CTNNA3: variants seen among roughly 807,000 people sequenced by gnomAD.
CTNNA3 encodes the protein catenin alpha-3.
In CTNNA3, 76 loss-of-function variants were observed where a neutral mutation model predicts 95.7. The ratio of observed to expected loss-of-function variants is 0.79; its 90% CI spans 0.66 to 0.96. The LOEUF is 0.96. Among genes scored for constraint, CTNNA3 ranks in the 40% least tolerant of loss-of-function variants. The probability of loss-of-function intolerance (pLI) is 0.00; values close to 1 mark genes in which losing one functional copy is unlikely to be tolerated. For missense variants in CTNNA3, 1,191 were observed against 1,089.8 expected, an observed-to-expected ratio of 1.09 and a Z score of -1.31; for synonymous variants, 431 against 374.4, an observed-to-expected ratio of 1.15 and a Z score of -1.74.
At chr10:67,734,300 A>T (rs1841291166) in intron 1 of CTNNA3, among the ~76,000 whole-genome samples, 1 of 152,174 alleles carries the variant, frequency 6.6e-6, no homozygotes, top group South Asian at 2.1e-4. Context: ...AGACTAAAAA[A>T]TCAACAATTA....
chr10:67,613,014 G>A (rs960140994), intron 2 of CTNNA3, among the ~76,000 whole-genome samples: 46 of 152,320 alleles, frequency 3.0e-4, no homozygotes, highest in African/African-American at 1.1e-3. Flanking sequence ...CTACCTGTAG[G>A]CTACCTGCTG....
intron 7 of CTNNA3, among the ~76,000 whole-genome samples, chr10:67,107,939 G>GT (rs1183005154): frequency 1.3e-5 from 2 of 152,118 alleles, no homozygotes; most frequent in Non-Finnish European, 2.9e-5. Flanking sequence ...GAGAGTCCCT[G>GT]TTTCCCCCTT....
rs544654092 is a variant in CTNNA3 at position 66,369,672 on chromosome 10, G to A, written c.1732+9480C>T. The stretch of plus-strand genomic sequence containing the variant: ...TAAAATATTCACATCTATTAATAAA[G>A]CTTGTAGATAACATTGTCATTTGCA... On this transcript the variant is annotated intron_variant, in intron 12 of 17. Transcript: ENST00000433211. Among the ~76,000 whole-genome samples the A allele has an allele frequency of 2.0e-5, 3 of 152,154 alleles. No homozygotes were observed. In the South Asian group the frequency reaches 6.2e-4, roughly 32 times the overall value.
At chr10:66,016,533 A>G (rs1031409194) in intron 15 of CTNNA3, among the ~76,000 whole-genome samples, 16 of 152,154 alleles carry the variant, frequency 1.1e-4, no homozygotes, top group African/African-American at 3.6e-4. Context: ...TTTTACAGTA[A>G]TTTTGAATTG....
At chr10:66,797,002 A>T (rs928846294) in intron 7 of CTNNA3, among the ~76,000 whole-genome samples, 2 of 151,936 alleles carry the variant, frequency 1.3e-5, no homozygotes, top group African/African-American at 2.4e-5. Flanking sequence ...CTTGAAACAC[A>T]TAAGTTATTC....
At chr10:66,339,141 G>C (rs1233262867) in intron 12 of CTNNA3, among the ~76,000 whole-genome samples, 1 of 151,826 alleles carries the variant, frequency 6.6e-6, no homozygotes, top group Non-Finnish European at 1.5e-5. Flanking sequence ...TAACACATAT[G>C]AAACATGTGC....
At chr10:67,597,561 C>T (rs1476861452) in intron 3 of CTNNA3, among the ~76,000 whole-genome samples, 1 of 152,178 alleles carries the variant, frequency 6.6e-6, no homozygotes, top group Non-Finnish European at 1.5e-5. Flanking sequence ...GTGCTGCATG[C>T]TCTAACCCTG....
intron 10 of CTNNA3, among the ~76,000 whole-genome samples, chr10:66,570,918 G>T: frequency 6.6e-6 from 1 of 151,948 alleles, no homozygotes; most frequent in East Asian, 1.9e-4. Context: ...TTTGAGCAAG[G>T]AGCTCTCAAA....
chr10:66,842,869 A>C (rs1564717621), intron 7 of CTNNA3, among the ~76,000 whole-genome samples: 1 of 152,166 alleles, frequency 6.6e-6, no homozygotes, highest in Non-Finnish European at 1.5e-5. Context: ...CTCCCTGAGC[A>C]CTGCCTGCCC....
At chr10:67,713,253 A>G (rs895408769) in intron 1 of CTNNA3, among the ~76,000 whole-genome samples, 5 of 152,272 alleles carry the variant, frequency 3.3e-5, no homozygotes, top group African/African-American at 1.2e-4. Flanking sequence ...CATGCCAGTT[A>G]GAGTGGCCAT....
intron 7 of CTNNA3, among the ~76,000 whole-genome samples, chr10:67,121,353 A>C (rs2131993501): frequency 6.6e-6 from 1 of 152,234 alleles, no homozygotes; most frequent in Non-Finnish European, 1.5e-5. Flanking sequence ...ACACCAGAAT[A>C]AATCATGAAC....
At chr10:66,168,238 T>C (rs2085239752) in intron 13 of CTNNA3, among the ~76,000 whole-genome samples, 1 of 152,166 alleles carries the variant, frequency 6.6e-6, no homozygotes, top group African/African-American at 2.4e-5. Flanking sequence ...CCCCATACCA[T>C]ATTGTGAAGT....
rs113615377 is a variant in CTNNA3 at position 66,103,268 on chromosome 10, A to T, written c.1885-19T>A. On this transcript the variant is annotated intron_variant, in intron 13 of 17. Coordinates refer to ENST00000433211, the MANE Select transcript of CTNNA3 (RefSeq NM_013266.4). The stretch of plus-strand genomic sequence containing the variant: ...CTGGGGTCTATAAAAAGAAAGCAAA[A>T]CATTGCTAGTGGGAATGTAAAAGCA... 1.3e-6 allele frequency: 2 copies of T among 1,573,608 alleles called. No individual in the cohort carries two copies. The highest frequency in any genetic ancestry group is 3.3e-5 in the Admixed American group (2 of 59,938).
chr10:66,663,363 T>G (rs1489284683), intron 9 of CTNNA3, among the ~76,000 whole-genome samples: 3 of 152,004 alleles, frequency 2.0e-5, no homozygotes, highest in Non-Finnish European at 4.4e-5. Flanking sequence ...CTTCCCACTC[T>G]TTGGGACCAT....
chr10:66,453,716 C>T (rs990105245), intron 11 of CTNNA3, among the ~76,000 whole-genome samples: 11 of 152,090 alleles, frequency 7.2e-5, no homozygotes, highest in African/African-American at 2.7e-4. Context: ...ACATTGGAAC[C>T]ACAGACAATA....
intron 13 of CTNNA3, among the ~76,000 whole-genome samples, chr10:66,126,600 T>C (rs1448498242): frequency 6.6e-6 from 1 of 151,848 alleles, no homozygotes; most frequent in Non-Finnish European, 1.5e-5. Flanking sequence ...GGGAAGGAAA[T>C]ATATAGAAAG....
chr10:66,103,347 A>G lies in CTNNA3; in HGVS notation c.1885-98T>C. The G allele has an allele frequency of 3.4e-6, 3 of 885,096 alleles. No homozygotes were observed. In the South Asian group the frequency reaches 4.2e-5, roughly 13 times the overall value. The allele number at this position is 885,096 out of a possible 1,614,324, so 54.8% of individuals were successfully genotyped here. A position where few individuals can be genotyped will look rare whatever the true frequency, so the allele number is the denominator to read the frequency against. ...ACCTTAAAAGGGTAATCATAAAGTT[A>G]CCATATGACCCAGCAATTTCACTCC... On this transcript the variant is annotated intron_variant, in intron 13 of 17. Coordinates refer to ENST00000433211, the MANE Select transcript of CTNNA3 (RefSeq NM_013266.4).
In CTNNA3 at chr10:65,988,795, C is replaced by T. The variant is rs1179591600; in HGVS notation, c.2162G>A (p.Gly721Asp). 3 of 1,610,230 alleles carry T rather than the reference C, an allele frequency of 1.9e-6. No individual in the cohort carries two copies. Among genetic ancestry groups the T allele is most frequent in the Non-Finnish European group, 1.7e-6 (2 of 1,177,770 alleles). ...IMMEMTDFTR[G>D]KGPLKHTTDV... Reference sequence around the variant, plus strand: ...AGTTGTATGCTTTAGTGGTCCTTTGCCCCTGGAAAAAAATTTATATATGTT... The same window carrying T: ...AGTTGTATGCTTTAGTGGTCCTTTGTCCCTGGAAAAAAATTTATATATGTT... The change falls in exon 16 of 18, where the codon GGC (glycine) becomes GAC (aspartate). Residue 721 changes from glycine (G) to aspartate (D), a missense_variant and splice_region_variant. By Grantham distance (94) the Gly-to-Asp change is moderately conservative. Transcript: ENST00000433211.
intron 2 of CTNNA3, among the ~76,000 whole-genome samples, chr10:67,610,302 C>T (rs1241630479): frequency 6.6e-6 from 1 of 152,166 alleles, no homozygotes; most frequent in Non-Finnish European, 1.5e-5. Flanking sequence ...GTGAAAAGAA[C>T]TTTGTATAAG....
Sources: gnomAD v4.1 joint callset for allele counts (sites outside exome capture counted in the v4.1 genomes callset) on GRCh38, gnomAD v4.1.1 for gene constraint, MANE v1.5 for transcripts, NCBI Gene and HGNC (gene_info 2026-07-23, HGNC 2026-07-21) for gene names.